Variants in ZFAND6 observed in about 807,000 individuals in gnomAD.
ZFAND6 encodes the protein AN1-type zinc finger protein 6.
Under a neutral mutation model 24.5 loss-of-function variants are expected in ZFAND6, and 12 were observed. That is an observed-to-expected ratio of 0.49 (90% CI 0.31 to 0.79). The LOEUF is 0.79. Among genes scored for constraint, ZFAND6 ranks in the 30% least tolerant of loss-of-function variants. The pLI is 0.04. For synonymous variants in ZFAND6, 92 were observed against 81.5 expected (o/e 1.13, Z -0.69); for missense variants, 207 against 245.9 (o/e 0.84, Z 1.06).
intron 2 of ZFAND6, chr15:80,111,449 G>A (rs1393719318): frequency 2.2e-6 from 1 of 451,364 alleles, no homozygotes; most frequent in East Asian, 7.0e-5. Context: ...TGGGAATACT[G>A]TATTTTCAAT....
intron 1 of ZFAND6, among the ~76,000 whole-genome samples, chr15:80,095,025 G>A (rs922989981): frequency 2.6e-5 from 4 of 152,036 alleles, no homozygotes; most frequent in East Asian, 3.8e-4. Context: ...CACCTGCCTC[G>A]GCCTCCCAGA....
chr15:80,096,456 T>C lies in ZFAND6; in HGVS notation c.-180-1960T>C, dbSNP rs377720263. Among the ~76,000 whole-genome samples, 8 of 152,328 alleles carry C rather than the reference T, an allele frequency of 5.3e-5. No individual in the cohort carries two copies. In the East Asian group the frequency reaches 5.8e-4, roughly 11 times the overall value. On this transcript the variant is annotated intron_variant, in intron 1 of 6. Transcript: ENST00000261749. ...TAGAATACCTTTCATATAACTCTTA[T>C]GAGATTTTGAATTATTTTTAAAATA...
Position 80,131,215 on chromosome 15 carries a change from G to T in ZFAND6, c.400G>T (p.Glu134Ter). Residue 134 changes from glutamate (E) to a stop codon, truncating the protein, a stop_gained, in exon 6 of 7, where the codon GAG becomes TAG. Transcript: ENST00000261749. LOFTEE classifies it high-confidence loss of function. ...VSDTAQQPSE[E>*]QSKSLEKPKQ... is the part of the protein sequence containing the mutation. The stretch of plus-strand genomic sequence containing the variant: ...AGACACAGCACAGCAGCCATCTGAA[G>T]AGCAAAGCAAGTCTCTTGAAAAACC... The T allele has an allele frequency of 6.2e-7, 1 of 1,611,898 alleles. No individual in the cohort carries two copies. Among genetic ancestry groups the T allele is most frequent in the Non-Finnish European group, 8.5e-7 (1 of 1,179,036 alleles).
chr15:80,131,631 A>T, intron 6 of ZFAND6: 1 of 320,058 alleles, frequency 3.1e-6, no homozygotes, highest in Non-Finnish European at 5.7e-6. Flanking sequence ...AGTACTTTCT[A>T]TATATAAAAT....
chr15:80,066,214 A>G (rs971535781), intron 1 of ZFAND6, among the ~76,000 whole-genome samples: 4 of 152,090 alleles, frequency 2.6e-5, no homozygotes, highest in Non-Finnish European at 5.9e-5. Flanking sequence ...GAAGGTGCTA[A>G]TTGGATGATC....
At chr15:80,116,100 GT>G (rs1388873474) in intron 2 of ZFAND6, among the ~76,000 whole-genome samples, 46 of 136,606 alleles carry the variant, frequency 3.4e-4, no homozygotes, top group East Asian at 1.5e-3. Flanking sequence ...TTTTTTTTTT[GT>G]TTTTTTTTTT....
At chr15:80,124,446 A>T (rs891209595) in intron 5 of ZFAND6, among the ~76,000 whole-genome samples, 5 of 152,138 alleles carry the variant, frequency 3.3e-5, no homozygotes, top group Non-Finnish European at 7.4e-5. Context: ...AAAAAAAAAA[A>T]TTTAGAATGT....
At chr15:80,063,393 T>G (rs2036437544) in intron 1 of ZFAND6, among the ~76,000 whole-genome samples, 1 of 152,016 alleles carries the variant, frequency 6.6e-6, no homozygotes. Flanking sequence ...CTACATTTCT[T>G]TTTTTGTATT....
chr15:80,118,032 GTGTA>G (rs1163709189), intron 2 of ZFAND6, among the ~76,000 whole-genome samples: 3 of 151,798 alleles, frequency 2.0e-5, no homozygotes, highest in Admixed American at 6.6e-5. Context: ...GTGTGTGTGT[GTGTA>G]TATGTATGTA....
rs1041134924 is a variant in ZFAND6, at chr15:80,138,089, T to C, written c.*461T>C. On this transcript the variant is annotated 3_prime_UTR_variant, in exon 7 of 7. Transcript: ENST00000261749. ...TAATCATTATGGCTGCTTCTGTTTT[T>C]TCATTAACAAAGGTTATTCATATGT... 6.5e-5 allele frequency: 10 copies of C among 153,202 alleles called. No individual in the cohort carries two copies. The highest frequency in any genetic ancestry group is 2.4e-4 in the African/African-American group (10 of 41,608). 9.5% of individuals were successfully genotyped at this position (153,202 alleles called of 1,614,324 possible).
intron 6 of ZFAND6, among the ~76,000 whole-genome samples, 189 bp from the exon 7 acceptor site, chr15:80,137,291 T>C (rs563286706): frequency 2.0e-5 from 3 of 152,358 alleles, no homozygotes; most frequent in Non-Finnish European, 4.4e-5. Flanking sequence ...AAACCTGCGT[T>C]TGTAGATAGG....
intron 2 of ZFAND6, among the ~76,000 whole-genome samples, chr15:80,117,223 T>C (rs1419748733): frequency 1.3e-5 from 2 of 151,354 alleles, no homozygotes; most frequent in East Asian, 2.0e-4. Context: ...ATCTACTGAA[T>C]ACTCTTTTTT....
chr15:80,122,992 T>C, intron 5 of ZFAND6, 192 bp downstream of exon 5: 1 of 499,512 alleles, frequency 2.0e-6, no homozygotes, highest in Non-Finnish European at 3.6e-6. Flanking sequence ...TGTAATTTTA[T>C]CATCAGCATA....
At position 80,137,799 on chromosome 15, in the gene ZFAND6, G is replaced by A. The variant is rs910086570; in HGVS notation, c.*171G>A. On this transcript the variant is annotated 3_prime_UTR_variant, in exon 7 of 7. Transcript: ENST00000261749. The stretch of plus-strand genomic sequence containing the variant: ...ATGACTCTGAACATTTATTTCCATT[G>A]CAATTTCTGTGGCTGAGGAGACTTA... 6 of 618,424 alleles carry A rather than the reference G, an allele frequency of 9.7e-6. No individual in the cohort carries two copies. Among genetic ancestry groups the A allele is most frequent in the Non-Finnish European group, 1.5e-5 (6 of 401,310 alleles). The allele number at this position is 618,424 out of a possible 1,614,324, so 38.3% of individuals were successfully genotyped here.
At chr15:80,063,937 C>T (rs1297073199) in intron 1 of ZFAND6, among the ~76,000 whole-genome samples, 2 of 152,254 alleles carry the variant, frequency 1.3e-5, no homozygotes, top group Admixed American at 1.3e-4. Context: ...ATCTGCCTGC[C>T]TTGGCCTCCC....
chr15:80,077,168 A>G (rs2037332901), intron 1 of ZFAND6, among the ~76,000 whole-genome samples: 1 of 152,228 alleles, frequency 6.6e-6, no homozygotes, highest in East Asian at 1.9e-4. Flanking sequence ...AACTCCTTAA[A>G]TAACTGTTGG....
At chr15:80,102,993 G>A (rs1426167679) in intron 2 of ZFAND6, among the ~76,000 whole-genome samples, 2 of 152,144 alleles carry the variant, frequency 1.3e-5, no homozygotes, top group East Asian at 1.9e-4. Context: ...GTGCTATTCT[G>A]TCTCCTCCCC....
Position 80,137,753 on chromosome 15 carries a change from T to G in ZFAND6, c.*125T>G. On this transcript the variant is annotated 3_prime_UTR_variant, in exon 7 of 7. Transcript: ENST00000261749. ...GCATGTCATCGGAAGAATAGATTTT[T>G]GTTTTGGTTTTGTTTTGAAAATGAC... 2 of 1,108,150 alleles carry G rather than the reference T, an allele frequency of 1.8e-6. No individual in the cohort carries two copies. The highest frequency in any genetic ancestry group is 4.4e-5 in the South Asian group (2 of 45,388). 68.6% of individuals were successfully genotyped at this position (1,108,150 alleles called of 1,614,324 possible). A position where few individuals can be genotyped will look rare whatever the true frequency, so the allele number is the denominator to read the frequency against.
chr15:80,111,386 C>G (rs941107904), intron 2 of ZFAND6: 1 of 396,432 alleles, frequency 2.5e-6, no homozygotes, highest in Non-Finnish European at 5.0e-6. Flanking sequence ...GTCAACCCTG[C>G]CAATCATTTG....
Sources: gnomAD v4.1 joint callset for allele counts (sites outside exome capture counted in the v4.1 genomes callset) on GRCh38, gnomAD v4.1.1 for gene constraint, MANE v1.5 for transcripts, NCBI Gene and HGNC (gene_info 2026-07-23, HGNC 2026-07-21) for gene names.